TOX: variants seen among roughly 807,000 people sequenced by gnomAD.
The protein encoded by TOX is thymocyte selection-associated high mobility group box protein TOX.
A neutral mutation model predicts 53.7 loss-of-function variants in TOX; 11 were observed. The ratio of observed to expected loss-of-function variants is 0.20; its 90% CI spans 0.13 to 0.34. TOX has a LOEUF of 0.34. Ranked by LOEUF, TOX falls within the 10% of genes least tolerant of loss-of-function variation. The probability of loss-of-function intolerance (pLI) is 1.00; values close to 1 mark genes in which losing one functional copy is unlikely to be tolerated. For missense variants in TOX, 570 were observed against 664.6 expected (o/e 0.86, Z 1.56); for synonymous variants, 225 against 245.3 (o/e 0.92, Z 0.77).
chr8:59,014,987 C>A (rs917999434), intron 1 of TOX, among the ~76,000 whole-genome samples: 2 of 152,202 alleles, frequency 1.3e-5, no homozygotes, highest in Admixed American at 1.3e-4. Context: ...TACATTGGGA[C>A]AGCTCTCTTG....
chr8:58,851,436 A>ATGGATGTT lies in TOX; in HGVS notation c.693+87_693+88insAACATCCA. 1 of 1,451,432 alleles carries ATGGATGTT rather than the reference A, an allele frequency of 6.9e-7. No homozygotes were observed. The highest frequency in any genetic ancestry group is 1.3e-5 in the South Asian group (1 of 78,150). The allele number at this position is 1,451,432 out of a possible 1,614,324, so 89.9% of individuals were successfully genotyped here. A position where few individuals can be genotyped will look rare whatever the true frequency, so the allele number is the denominator to read the frequency against. On this transcript the variant is annotated intron_variant, in intron 4 of 8. Coordinates refer to ENST00000361421, the MANE Select transcript of TOX (RefSeq NM_014729.3). The surrounding 1 kb of genome is among the most constrained non-coding windows in gnomAD (Gnocchi z 4.4). Reference sequence around the variant, plus strand: ...GGTGTCTCCCTCCAATGTTTCTCGCATGGATGATATAAACTTGTACCCAGC... The same window carrying ATGGATGTT: ...GGTGTCTCCCTCCAATGTTTCTCGCATGGATGTTTGGATGATATAAACTTGTACCCAGC...
chr8:58,945,823 C>T (rs1210546315), intron 2 of TOX, among the ~76,000 whole-genome samples: 2 of 152,094 alleles, frequency 1.3e-5, no homozygotes, highest in Non-Finnish European at 1.5e-5. Flanking sequence ...TTAAACGTTG[C>T]CTTTTCTTCT....
intron 3 of TOX, among the ~76,000 whole-genome samples, chr8:58,921,408 T>A (rs1021536292): frequency 5.9e-5 from 9 of 152,172 alleles, no homozygotes; most frequent in African/African-American, 2.2e-4. Context: ...AAGACACAGA[T>A]CTATATGACA....
intron 3 of TOX, among the ~76,000 whole-genome samples, chr8:58,890,302 G>A (rs1453566430): frequency 6.6e-6 from 1 of 152,108 alleles, no homozygotes; most frequent in African/African-American, 2.4e-5. Context: ...AGAGTCGTGG[G>A]AGGGATACAC....
chr8:58,927,558 G>A (rs1812185707), intron 3 of TOX, among the ~76,000 whole-genome samples: 1 of 152,184 alleles, frequency 6.6e-6, no homozygotes, highest in South Asian at 2.1e-4. Context: ...TCGTGGGGAT[G>A]AAGAAGAAAA....
chr8:59,091,676 TG>T (rs1197057457), intron 1 of TOX, among the ~76,000 whole-genome samples: 1 of 152,156 alleles, frequency 6.6e-6, no homozygotes, highest in African/African-American at 2.4e-5. Context: ...GCTTCATCCA[TG>T]TTTGGTATGG....
Position 58,915,042 on chromosome 8 carries a change from G to A in TOX, c.411+24260C>T, listed in dbSNP as rs539472132. ...GAGACTATATCCCACACCTGGCTCA[G>A]AGGGTCCTACGCCCACGGAATCTCG... On this transcript the variant is annotated intron_variant, in intron 3 of 8. Transcript: ENST00000361421. 6.7e-5 allele frequency among the ~76,000 whole-genome samples: 10 copies of A among 149,270 alleles called. No homozygotes were observed. In the East Asian group the frequency reaches 2.0e-3, roughly 30 times the overall value.
chr8:59,111,397 G>T (rs948185298), intron 1 of TOX, among the ~76,000 whole-genome samples: 1 of 152,070 alleles, frequency 6.6e-6, no homozygotes, highest in African/African-American at 2.4e-5. Context: ...TCTTAAAAGG[G>T]AGTGGTAACC....
intron 1 of TOX, among the ~76,000 whole-genome samples, chr8:59,095,126 C>T (rs564585162): frequency 6.6e-6 from 1 of 152,150 alleles, no homozygotes; most frequent in Non-Finnish European, 1.5e-5. Context: ...TGATCATATT[C>T]GTATCATTCA....
Position 59,101,356 on chromosome 8 carries a change from A to G in TOX, c.102+17530T>C, listed in dbSNP as rs1247335949. ...AAATATTTAATGAATAAATTAACCA[A>G]TATCACAAATGTCATGCTCCTGGAA... On this transcript the variant is annotated intron_variant, in intron 1 of 8. Coordinates refer to ENST00000361421, the MANE Select transcript of TOX (RefSeq NM_014729.3). Among the ~76,000 whole-genome samples the G allele has an allele frequency of 2.0e-5, 3 of 152,300 alleles. No homozygotes were observed. In the East Asian group the frequency reaches 5.8e-4, roughly 29 times the overall value.
At position 59,001,969 on chromosome 8, in the gene TOX, C is replaced by CTT. The variant is rs1182278313; in HGVS notation, c.103-41963_103-41962dup. 8.0e-3 allele frequency among the ~76,000 whole-genome samples: 913 copies of CTT among 114,560 alleles called. 21 individuals are homozygous for CTT. The highest frequency in any genetic ancestry group is 0.069 in the South Asian group (223 of 3,250). 75.2% of individuals were successfully genotyped at this position (114,560 alleles called of 152,430 possible). A position where few individuals can be genotyped will look rare whatever the true frequency, so the allele number is the denominator to read the frequency against. ...TGGCACAATTTAAAATACAGAAGTA[C>CTT]TTTTTTTTTTTTTTTTTTTTTTGAG... On this transcript the variant is annotated intron_variant, in intron 1 of 8. Transcript: ENST00000361421.
chr8:59,113,162 T>G (rs1394818536), intron 1 of TOX, among the ~76,000 whole-genome samples: 1 of 152,154 alleles, frequency 6.6e-6, no homozygotes, highest in African/African-American at 2.4e-5. Flanking sequence ...CCCAACCTAA[T>G]TTACTGTATT....
At chr8:58,903,635 C>T (rs1237753305) in intron 3 of TOX, among the ~76,000 whole-genome samples, 1 of 152,088 alleles carries the variant, frequency 6.6e-6, no homozygotes, top group African/African-American at 2.4e-5. Context: ...TGAATACTGG[C>T]TAATATTTAC....
intron 1 of TOX, among the ~76,000 whole-genome samples, chr8:59,005,283 C>T (rs1813769781): frequency 6.6e-6 from 1 of 152,178 alleles, no homozygotes; most frequent in African/African-American, 2.4e-5. Context: ...TGTGATCCAC[C>T]TGCCTCGGCC....
chr8:58,962,871 C>G (rs1271426318), intron 1 of TOX, among the ~76,000 whole-genome samples: 1 of 152,180 alleles, frequency 6.6e-6, no homozygotes, highest in Non-Finnish European at 1.5e-5. Context: ...TATAGGTCAA[C>G]TTGACTAGGC....
intron 1 of TOX, among the ~76,000 whole-genome samples, chr8:58,982,776 C>CT (rs1813228459): frequency 6.6e-6 from 1 of 152,160 alleles, no homozygotes; most frequent in Non-Finnish European, 1.5e-5. Context: ...TAAGTTATAG[C>CT]CTTGATCATA....
chr8:59,029,189 A>AT (rs1250575926), intron 1 of TOX, among the ~76,000 whole-genome samples: 2 of 151,992 alleles, frequency 1.3e-5, no homozygotes, highest in African/African-American at 4.8e-5. Context: ...TCATTTATTC[A>AT]TTTTTAGTTA....
At chr8:58,863,141 G>C (rs1811038879) in intron 3 of TOX, among the ~76,000 whole-genome samples, 1 of 152,092 alleles carries the variant, frequency 6.6e-6, no homozygotes, top group Non-Finnish European at 1.5e-5. Flanking sequence ...TGTGTGACAA[G>C]TGGCATAAAT....
rs34469462 is a variant in TOX at position 58,964,864 on chromosome 8, GGTGT to G, written c.103-4860_103-4857del. Among the ~76,000 whole-genome samples, 276 of 148,236 alleles carry G rather than the reference GGTGT, an allele frequency of 1.9e-3. 4 individuals carry two copies. The highest frequency in any genetic ancestry group is 6.4e-3 in the African/African-American group (258 of 40,556). Reference sequence around the variant, plus strand: ...ATAGACTCAATGGCTATTTGTAGCTGGTGTGTGTGTGTGTGTGTGTGTGTGTGCA... The same window carrying G: ...ATAGACTCAATGGCTATTTGTAGCTGGTGTGTGTGTGTGTGTGTGTGTGCA... On this transcript the variant is annotated intron_variant, in intron 1 of 8. Coordinates refer to ENST00000361421, the MANE Select transcript of TOX (RefSeq NM_014729.3).
Sources: allele counts gnomAD v4.1 joint callset (sites outside exome capture counted in the v4.1 genomes callset), GRCh38; gene constraint gnomAD v4.1.1; non-coding constraint Gnocchi (gnomAD v3.1); transcripts MANE v1.5; gene names NCBI Gene and HGNC (gene_info 2026-07-23, HGNC 2026-07-21).